ADGRG7: variants seen among roughly 807,000 people sequenced by gnomAD.
ADGRG7 encodes G-protein coupled receptor 128.
A neutral mutation model predicts 88.6 loss-of-function variants in ADGRG7; 82 were observed. The observed-to-expected ratio is 0.93, with a 90% CI of 0.77 to 1.11. ADGRG7 has a LOEUF of 1.11. Ranked by LOEUF, ADGRG7 falls within the 50% of genes most tolerant of loss-of-function variation. ADGRG7 has a pLI of 0.00. For synonymous variants in ADGRG7, 381 were observed against 345.2 expected (o/e 1.10, Z -1.15); for missense variants, 945 against 953.4 (o/e 0.99, Z 0.12).
chr3:100,669,663 C>A (rs2094956012), intron 15 of ADGRG7, among the ~76,000 whole-genome samples: 1 of 151,806 alleles, frequency 6.6e-6, no homozygotes, highest in Non-Finnish European at 1.5e-5. Context: ...AATGGGGTAC[C>A]CATATCCTCA....
chr3:100,638,812 C>G (rs1440998836), intron 6 of ADGRG7, among the ~76,000 whole-genome samples: 2 of 152,108 alleles, frequency 1.3e-5, no homozygotes, highest in Non-Finnish European at 2.9e-5. Context: ...AACTCATGTA[C>G]TTTATTCATA....
rs552269248 is a variant in ADGRG7, at chr3:100,686,432, A to G, written c.2137-8312A>G. 3.9e-5 allele frequency among the ~76,000 whole-genome samples: 6 copies of G among 152,338 alleles called. No homozygotes were observed. In the South Asian group the frequency reaches 1.0e-3, roughly 26 times the overall value. On this transcript the variant is annotated intron_variant, in intron 15 of 15. Transcript: ENST00000273352. The stretch of plus-strand genomic sequence containing the variant: ...TTGTTGCCATTGCTTTTGGTGTTTT[A>G]GACATGAAGTCCTTGCCCATGCCTA...
chr3:100,669,681 A>T (rs2094956074), intron 15 of ADGRG7, among the ~76,000 whole-genome samples: 1 of 151,750 alleles, frequency 6.6e-6, no homozygotes. Flanking sequence ...TCAAGCATTT[A>T]CCCTTTCTGT....
chr3:100,652,329 CAT>C (rs1237343706), intron 11 of ADGRG7, among the ~76,000 whole-genome samples: 1 of 152,076 alleles, frequency 6.6e-6, no homozygotes, highest in Non-Finnish European at 1.5e-5. Flanking sequence ...ATCGTAAAAA[CAT>C]AAAGAATACA....
chr3:100,672,393 T>C (rs1039042173), intron 15 of ADGRG7, among the ~76,000 whole-genome samples: 6 of 152,354 alleles, frequency 3.9e-5, no homozygotes, highest in Non-Finnish European at 8.8e-5. Context: ...TTGTTATTTT[T>C]ACACAGTAAT....
chr3:100,609,905 T>C lies in ADGRG7; in HGVS notation c.49T>C (p.Cys17Arg). ...WNLRVLVAVVCGLLTGIILGL... is the reference protein window; with the variant it reads ...WNLRVLVAVVRGLLTGIILGL... ...CCTTAGGGTGCTGGTGGCTGTCGTG[T>C]GTGGACTACTGACTGGCATCATTTT... The change falls in exon 1 of 16, where the codon TGT becomes CGT. Residue 17 changes from cysteine to arginine, a missense_variant. Transcript: ENST00000273352. 1 of 1,614,052 alleles carries C rather than the reference T, an allele frequency of 6.2e-7. No homozygotes were observed. The highest frequency in any genetic ancestry group is 1.1e-5 in the South Asian group (1 of 91,084).
chr3:100,684,673 A>G (rs1210509021), intron 15 of ADGRG7, among the ~76,000 whole-genome samples: 3 of 152,008 alleles, frequency 2.0e-5, no homozygotes, highest in African/African-American at 7.3e-5. Context: ...TTTTTTCCCT[A>G]TACGTCTATC....
intron 1 of ADGRG7, among the ~76,000 whole-genome samples, chr3:100,627,345 T>C (rs1707393761): frequency 6.6e-6 from 1 of 152,234 alleles, no homozygotes; most frequent in African/African-American, 2.4e-5. Flanking sequence ...TATTCTATCA[T>C]ATGATTAATT....
At chr3:100,649,254 T>A (rs1249288286) in intron 10 of ADGRG7, among the ~76,000 whole-genome samples, 1 of 152,178 alleles carries the variant, frequency 6.6e-6, no homozygotes, top group Non-Finnish European at 1.5e-5. Flanking sequence ...AAGTCTGCCC[T>A]CCACATTGGC....
At chr3:100,627,584 G>A (rs1186875639) in intron 1 of ADGRG7, among the ~76,000 whole-genome samples, 6 of 152,142 alleles carry the variant, frequency 3.9e-5, no homozygotes, top group African/African-American at 1.4e-4. Flanking sequence ...ATTATGAAAT[G>A]ATTTGGGAAG....
chr3:100,682,492 G>A (rs1386382208), intron 15 of ADGRG7, among the ~76,000 whole-genome samples: 1 of 152,220 alleles, frequency 6.6e-6, no homozygotes, highest in African/African-American at 2.4e-5. Flanking sequence ...CGAGTCACCT[G>A]AGGCTGCGTC....
At chr3:100,635,866 T>A in intron 5 of ADGRG7, 40 bp downstream of exon 5, 1 of 1,453,874 alleles carries the variant, frequency 6.9e-7, no homozygotes, top group East Asian at 2.4e-5. Context: ...TTTTTTTTAT[T>A]TTTAGAGGGG....
Position 100,669,051 on chromosome 3 carries a change from T to C in ADGRG7, c.2082T>C (p.Asp694=), listed in dbSNP as rs1019327880. 3.1e-6 allele frequency: 5 copies of C among 1,603,326 alleles called. No homozygotes were observed. In the Admixed American group the frequency reaches 5.1e-5, roughly 16 times the overall value. Residue 694 remains aspartate, a synonymous_variant, in exon 15 of 16, where the codon GAT becomes GAC. Coordinates refer to ENST00000273352, the MANE Select transcript of ADGRG7 (RefSeq NM_032787.3). ...WILAYLMLVN[D]DSIRIVFSYI... ...TAGCATACCTGATGCTAGTTAATGA[T>C]GATAGCATCAGGATCGTCTTCAGCT... is the stretch of plus-strand genomic sequence containing the variant.
At chr3:100,665,454 A>T in intron 14 of ADGRG7, 1 of 535,460 alleles carries the variant, frequency 1.9e-6, no homozygotes, top group Non-Finnish European at 3.8e-6. Context: ...CAGCAACATC[A>T]AAACCACCAA....
chr3:100,669,470 C>A (rs1332523857), intron 15 of ADGRG7, among the ~76,000 whole-genome samples: 1 of 133,944 alleles, frequency 7.5e-6, no homozygotes, highest in East Asian at 2.3e-4. Context: ...GGAGGCGGAG[C>A]TTGCAGTGAG....
At chr3:100,681,252 T>G (rs1039150264) in intron 15 of ADGRG7, among the ~76,000 whole-genome samples, 3 of 151,770 alleles carry the variant, frequency 2.0e-5, no homozygotes, top group African/African-American at 7.2e-5. Context: ...GTGAGGAATA[T>G]CAAGACTTTT....
intron 15 of ADGRG7, among the ~76,000 whole-genome samples, chr3:100,691,638 C>G (rs895186543): frequency 7.3e-6 from 1 of 137,626 alleles, no homozygotes; most frequent in African/African-American, 2.6e-5. Context: ...ATGATCATAT[C>G]TTATGTTACT....
rs761534415 is a variant in ADGRG7, at chr3:100,609,902, G to A, written c.46G>A (p.Val16Met). 1.7e-5 allele frequency: 27 copies of A among 1,613,896 alleles called. No homozygotes were observed. Among genetic ancestry groups the A allele is most frequent in the Middle Eastern group, 1.6e-4 (1 of 6,080 alleles). ...AWNLRVLVAV[V>M]CGLLTGIILG... ...GAACCTTAGGGTGCTGGTGGCTGTCGTGTGTGGACTACTGACTGGCATCAT... is the reference window on the plus strand; with the variant it reads ...GAACCTTAGGGTGCTGGTGGCTGTCATGTGTGGACTACTGACTGGCATCAT... The change falls in exon 1 of 16, where the codon GTG becomes ATG. Residue 16 changes from valine (V) to methionine (M), a missense_variant. Physicochemically the swap from Val to Met is conservative, Grantham distance 21 (BLOSUM62 1). Coordinates refer to ENST00000273352, the MANE Select transcript of ADGRG7 (RefSeq NM_032787.3).
chr3:100,677,325 G>A (rs183747815), intron 15 of ADGRG7, among the ~76,000 whole-genome samples: 7 of 152,038 alleles, frequency 4.6e-5, no homozygotes, highest in African/African-American at 1.7e-4. Context: ...AACACTGATT[G>A]CATAAACTAA....
Sources: allele counts gnomAD v4.1 joint callset (sites outside exome capture counted in the v4.1 genomes callset), GRCh38; gene constraint gnomAD v4.1.1; transcripts MANE v1.5; gene names NCBI Gene and HGNC (gene_info 2026-07-23, HGNC 2026-07-21).